The following CNTNAP2 variants were observed in gnomAD, a reference collection of about 807,000 sequenced individuals.
CNTNAP2 encodes the protein contactin associated protein 2.
In CNTNAP2, 98 loss-of-function variants were observed where a neutral mutation model predicts 155.2. The ratio of observed to expected loss-of-function variants is 0.63; its 90% CI spans 0.54 to 0.75. CNTNAP2 has a LOEUF of 0.75. Among genes scored for constraint, CNTNAP2 ranks in the 30% least tolerant of loss-of-function variants. The pLI is 0.00. For missense variants in CNTNAP2, 1,727 were observed against 1,688.1 expected (o/e 1.02, Z -0.40); for synonymous variants, 651 against 631.2 (o/e 1.03, Z -0.47).
chr7:146,895,426 C>T (rs545478849), intron 3 of CNTNAP2, among the ~76,000 whole-genome samples: 14 of 151,826 alleles, frequency 9.2e-5, no homozygotes, highest in Middle Eastern at 3.4e-3. Context: ...GAAATTCACA[C>T]AGGATATACA....
intron 13 of CNTNAP2, among the ~76,000 whole-genome samples, chr7:147,766,888 T>C (rs1797390882): frequency 6.6e-6 from 1 of 152,108 alleles, no homozygotes; most frequent in Admixed American, 6.6e-5. Context: ...CTACTTTTTA[T>C]TGAAAGATTT....
chr7:146,303,117 T>C (rs958422166), intron 1 of CNTNAP2, among the ~76,000 whole-genome samples: 6 of 151,230 alleles, frequency 4.0e-5, no homozygotes, highest in Non-Finnish European at 5.9e-5. Flanking sequence ...TGCGCATGCA[T>C]ACATGAACAC....
intron 8 of CNTNAP2, among the ~76,000 whole-genome samples, chr7:147,229,073 T>C (rs2116613411): frequency 6.6e-6 from 1 of 151,998 alleles, no homozygotes; most frequent in Non-Finnish European, 1.5e-5. Context: ...AGAGACTAGA[T>C]AGAAACTCTT....
rs998540805 is a variant in CNTNAP2 at position 146,363,905 on chromosome 7, A to G, written c.97+246932A>G. ...GAAAATGATAATGAAAATGTTGGCT[A>G]TGTAGACCTTCTTGAAGGGACAAAG... is the stretch of plus-strand genomic sequence containing the variant. On this transcript the variant is annotated intron_variant, in intron 1 of 23. Transcript: ENST00000361727. 3.3e-5 allele frequency among the ~76,000 whole-genome samples: 5 copies of G among 152,336 alleles called. No homozygotes were observed. The East Asian group carries it at 9.7e-4, about 29-fold the overall frequency.
At chr7:148,057,147 T>C (rs781338124) in intron 15 of CNTNAP2, among the ~76,000 whole-genome samples, 3 of 152,312 alleles carry the variant, frequency 2.0e-5, no homozygotes, top group East Asian at 1.9e-4. Flanking sequence ...ACTGTTGTTG[T>C]TAACATAGTT....
intron 1 of CNTNAP2, among the ~76,000 whole-genome samples, chr7:146,359,006 A>T (rs1163964091): frequency 6.6e-6 from 1 of 152,252 alleles, no homozygotes; most frequent in Non-Finnish European, 1.5e-5. Flanking sequence ...AGCTGCTGTT[A>T]TCTTCTCTTT....
chr7:146,449,957 C>T (rs896382378), intron 1 of CNTNAP2, among the ~76,000 whole-genome samples: 3 of 152,172 alleles, frequency 2.0e-5, no homozygotes, highest in Non-Finnish European at 2.9e-5. Flanking sequence ...GACATCCAAT[C>T]TGCCTAGTTA....
At chr7:147,935,734 C>T (rs1456862578) in intron 14 of CNTNAP2, among the ~76,000 whole-genome samples, 1 of 152,014 alleles carries the variant, frequency 6.6e-6, no homozygotes, top group African/African-American at 2.4e-5. Context: ...GAAAGGTGAG[C>T]TTTATCTTGG....
At chr7:148,398,473 G>A (rs1401054977) in intron 22 of CNTNAP2, among the ~76,000 whole-genome samples, 1 of 152,170 alleles carries the variant, frequency 6.6e-6, no homozygotes, top group African/African-American at 2.4e-5. Context: ...GAACTCCTTT[G>A]AAAGACACAG....
intron 8 of CNTNAP2, among the ~76,000 whole-genome samples, chr7:147,245,488 A>T (rs73459573): frequency 0.021 from 3,242 of 152,102 alleles, 118 homozygotes; most frequent in African/African-American, 0.074. Context: ...CACTAGAGGG[A>T]GCACTTGAGA....
At chr7:146,316,227 C>A (rs1348614249) in intron 1 of CNTNAP2, among the ~76,000 whole-genome samples, 1 of 151,922 alleles carries the variant, frequency 6.6e-6, no homozygotes, top group Non-Finnish European at 1.5e-5. Flanking sequence ...AATGTTACTT[C>A]ATAACATTTT....
At chr7:148,046,903 C>T (rs1179111382) in intron 15 of CNTNAP2, among the ~76,000 whole-genome samples, 1 of 151,976 alleles carries the variant, frequency 6.6e-6, no homozygotes, top group East Asian at 1.9e-4. Context: ...TAGTATTTTT[C>T]CTTTTGGGAA....
At chr7:146,760,436 T>C (rs1368221352) in intron 1 of CNTNAP2, among the ~76,000 whole-genome samples, 18 of 121,118 alleles carry the variant, frequency 1.5e-4, no homozygotes, top group African/African-American at 5.7e-4. Flanking sequence ...TTTTTTTTTT[T>C]TTTTTTGAGA....
chr7:147,995,148 G>C (rs1034475576), intron 15 of CNTNAP2, among the ~76,000 whole-genome samples: 3 of 152,122 alleles, frequency 2.0e-5, no homozygotes, highest in African/African-American at 7.2e-5. Context: ...GTTTTATTGG[G>C]TACTGGTCAC....
chr7:146,357,129 A>T (rs1262317655), intron 1 of CNTNAP2, among the ~76,000 whole-genome samples: 1 of 151,420 alleles, frequency 6.6e-6, no homozygotes. Flanking sequence ...GAGAAATGAT[A>T]TTGAAGGGAC....
At chr7:147,864,521 T>C (rs1799194087) in intron 13 of CNTNAP2, among the ~76,000 whole-genome samples, 1 of 151,744 alleles carries the variant, frequency 6.6e-6, no homozygotes, top group Non-Finnish European at 1.5e-5. Flanking sequence ...CCTTGGGCAG[T>C]ATGGCCATTT....
At chr7:147,942,078 G>GC (rs1800733718) in intron 14 of CNTNAP2, among the ~76,000 whole-genome samples, 1 of 152,124 alleles carries the variant, frequency 6.6e-6, no homozygotes, top group African/African-American at 2.4e-5. Flanking sequence ...TCAACCTGAT[G>GC]CAAGACCTCA....
At chr7:148,329,828 A>G (rs548030366) in intron 21 of CNTNAP2, among the ~76,000 whole-genome samples, 2 of 152,182 alleles carry the variant, frequency 1.3e-5, no homozygotes, top group South Asian at 2.1e-4. Flanking sequence ...AAGTGAGGAG[A>G]TATCTCTTCA....
intron 13 of CNTNAP2, among the ~76,000 whole-genome samples, chr7:147,703,509 T>A (rs1045149849): frequency 6.6e-6 from 1 of 152,170 alleles, no homozygotes; most frequent in Non-Finnish European, 1.5e-5. Flanking sequence ...ATAATTTAGG[T>A]ATTTACAGAG....
Sources: gnomAD v4.1 joint callset for allele counts (sites outside exome capture counted in the v4.1 genomes callset) on GRCh38, gnomAD v4.1.1 for gene constraint, MANE v1.5 for transcripts, NCBI Gene and HGNC (gene_info 2026-07-23, HGNC 2026-07-21) for gene names.